The following ARHGEF7 variants were observed in gnomAD, a reference collection of about 807,000 sequenced individuals.
The protein encoded by ARHGEF7 is Rho guanine nucleotide exchange factor 7.
ARHGEF7 carries 33 observed loss-of-function variants against 109.8 expected under a neutral mutation model. That is an observed-to-expected ratio of 0.30 (90% CI 0.23 to 0.40). The LOEUF (loss-of-function observed/expected upper bound fraction) is 0.40, where lower values mean the gene tolerates loss of function less well. Ranked by LOEUF, ARHGEF7 falls within the 10% of genes least tolerant of loss-of-function variation. The pLI, the probability that ARHGEF7 is intolerant of heterozygous loss-of-function variation, is 1.00. For missense variants in ARHGEF7, 938 were observed against 1,098.5 expected, an observed-to-expected ratio of 0.85 and a Z score of 2.07; for synonymous variants, 458 against 424.6, an observed-to-expected ratio of 1.08 and a Z score of -0.97.
rs576549736 is a variant in ARHGEF7 at position 111,280,701 on chromosome 13, C to T, written c.1725+24C>T. 47 of 1,497,148 alleles carry T rather than the reference C, an allele frequency of 3.1e-5. No individual in the cohort carries two copies. In the East Asian group the frequency reaches 1.2e-3, roughly 37 times the overall value. The allele number at this position is 1,497,148 out of a possible 1,614,324, so 92.7% of individuals were successfully genotyped here. A position where few individuals can be genotyped will look rare whatever the true frequency, so the allele number is the denominator to read the frequency against. Reference sequence around the variant, plus strand: ...CCGTAAGGACTTGGTGCTTCTCCTCCTTCCAGACTCCAGGCGTGGCATCCC... The same window carrying T: ...CCGTAAGGACTTGGTGCTTCTCCTCTTTCCAGACTCCAGGCGTGGCATCCC... On this transcript the variant is annotated intron_variant, in intron 15 of 21. Coordinates refer to ENST00000646102, the MANE Select transcript of ARHGEF7 (RefSeq NM_001354046.2).
intron 1 of ARHGEF7, 151 bp downstream of exon 1, chr13:111,115,842 T>G (rs866362760): frequency 4.7e-6 from 1 of 212,138 alleles, no homozygotes; most frequent in Non-Finnish European, 7.2e-6. Flanking sequence ...GCCAGGACCG[T>G]GGCGGGAGCT....
chr13:111,133,369 C>T (rs957879536), intron 1 of ARHGEF7, among the ~76,000 whole-genome samples: 6 of 152,112 alleles, frequency 3.9e-5, no homozygotes, highest in African/African-American at 9.7e-5. Flanking sequence ...TACTTGAACA[C>T]GTGCATATCT....
At position 111,303,770 on chromosome 13, in the gene ARHGEF7, A is replaced by G. The variant is rs76328798; in HGVS notation, c.*657A>G. 2,571 of 152,422 alleles carry G rather than the reference A, an allele frequency of 0.017. 35 individuals carry two copies. The highest frequency in any genetic ancestry group is 0.034 in the Middle Eastern group (10 of 296). 9.4% of individuals were successfully genotyped at this position (152,422 alleles called of 1,614,324 possible). On this transcript the variant is annotated 3_prime_UTR_variant, in exon 22 of 22. Coordinates refer to ENST00000646102, the MANE Select transcript of ARHGEF7 (RefSeq NM_001354046.2). Reference sequence around the variant, plus strand: ...TTCTGAGGGCAACTTGCTGGCTGACAGACTCAGTCTTGACCTCAAGGAAGG... The same window carrying G: ...TTCTGAGGGCAACTTGCTGGCTGACGGACTCAGTCTTGACCTCAAGGAAGG...
intron 2 of ARHGEF7, among the ~76,000 whole-genome samples, chr13:111,176,133 GTAGTCTGTCACCAGCACCATGCT>G (rs1430708083): frequency 6.6e-6 from 1 of 152,148 alleles, no homozygotes; most frequent in Non-Finnish European, 1.5e-5. Context: ...AGCCACACAG[GTAGTCTGTCACCAGCACCATGCT>G]CTGCCTAGGA....
chr13:111,292,987 G>C, intron 19 of ARHGEF7: 1 of 985,494 alleles, frequency 1.0e-6, no homozygotes, highest in South Asian at 4.7e-5. Flanking sequence ...GCCGTGAAGT[G>C]GGAGCTCTCC....
chr13:111,151,899 A>C (rs2075905824), intron 1 of ARHGEF7, among the ~76,000 whole-genome samples: 2 of 152,200 alleles, frequency 1.3e-5, no homozygotes, highest in African/African-American at 4.8e-5. Context: ...AAGGCAGAGC[A>C]TGGCCTTATT....
intron 1 of ARHGEF7, among the ~76,000 whole-genome samples, chr13:111,130,580 A>T (rs2074691251): frequency 1.3e-5 from 2 of 152,344 alleles, no homozygotes; most frequent in South Asian, 4.1e-4. Context: ...TTTTCTCATC[A>T]AATCTTTACT....
intron 17 of ARHGEF7, among the ~76,000 whole-genome samples, chr13:111,287,210 G>A (rs1258802529): frequency 2.6e-5 from 4 of 152,174 alleles, no homozygotes; most frequent in African/African-American, 4.8e-5. Flanking sequence ...TCCTTAGGTA[G>A]TCCAGGTCCC....
intron 8 of ARHGEF7, among the ~76,000 whole-genome samples, chr13:111,260,061 C>T (rs1344747570): frequency 1.3e-5 from 2 of 152,060 alleles, no homozygotes; most frequent in African/African-American, 4.8e-5. Flanking sequence ...TAAAAATACA[C>T]AGAAGAGACT....
chr13:111,265,082 C>T (rs1336746001), intron 8 of ARHGEF7, among the ~76,000 whole-genome samples: 1 of 141,078 alleles, frequency 7.1e-6, no homozygotes, highest in Non-Finnish European at 1.5e-5. Context: ...TGAGATGGTG[C>T]CATTACACTC....
intron 9 of ARHGEF7, among the ~76,000 whole-genome samples, chr13:111,269,593 C>T (rs1222830649): frequency 6.6e-6 from 1 of 152,146 alleles, no homozygotes; most frequent in Non-Finnish European, 1.5e-5. Flanking sequence ...CCAGGGCTGC[C>T]CAGAGAGTGG....
chr13:111,129,840 C>T (rs1000428936), intron 1 of ARHGEF7, among the ~76,000 whole-genome samples: 3 of 152,246 alleles, frequency 2.0e-5, no homozygotes, highest in African/African-American at 7.2e-5. Context: ...AGTAAACATA[C>T]ATCTACCAAA....
At chr13:111,231,254 A>G (rs1204519374) in intron 5 of ARHGEF7, among the ~76,000 whole-genome samples, 1 of 152,226 alleles carries the variant, frequency 6.6e-6, no homozygotes, top group Non-Finnish European at 1.5e-5. Context: ...TTCTTCTACA[A>G]TTAAATTCTT....
At position 111,172,461 on chromosome 13, in the gene ARHGEF7, C is replaced by T. The variant is rs144112166; in HGVS notation, c.252+18470C>T. Among the ~76,000 whole-genome samples the T allele has an allele frequency of 1.1e-3, 165 of 152,210 alleles. 3 individuals carry two copies. Among genetic ancestry groups the T allele is most frequent in the Middle Eastern group, 0.01 (3 of 294 alleles). On this transcript the variant is annotated intron_variant, in intron 2 of 21. Coordinates refer to ENST00000646102, the MANE Select transcript of ARHGEF7 (RefSeq NM_001354046.2). ...CCAGTTCCAAGTCACGTGGTGGTGC[C>T]GCTCTCTAAGGCTGCAGGTAAGTTG...
At chr13:111,262,923 C>T (rs576503132) in intron 8 of ARHGEF7, among the ~76,000 whole-genome samples, 1 of 152,348 alleles carries the variant, frequency 6.6e-6, no homozygotes, top group South Asian at 2.1e-4. Flanking sequence ...TGCTGCCTCT[C>T]ATGACTCATG....
chr13:111,249,153 C>CA (rs1230124538), intron 8 of ARHGEF7, among the ~76,000 whole-genome samples: 1 of 152,140 alleles, frequency 6.6e-6, no homozygotes, highest in African/African-American at 2.4e-5. Flanking sequence ...CCCAGCAACT[C>CA]TGGTAGAACC....
intron 2 of ARHGEF7, among the ~76,000 whole-genome samples, chr13:111,170,613 G>A (rs1318792303): frequency 1.3e-5 from 2 of 152,154 alleles, no homozygotes; most frequent in Admixed American, 1.3e-4. Flanking sequence ...CTAAGTGGCC[G>A]GGGAAAGTGC....
intron 18 of ARHGEF7, among the ~76,000 whole-genome samples, chr13:111,289,144 A>G (rs1025399583): frequency 4.0e-5 from 6 of 151,688 alleles, no homozygotes; most frequent in African/African-American, 9.7e-5. Context: ...TGATTCTTCT[A>G]TCTCAGCCTC....
intron 1 of ARHGEF7, among the ~76,000 whole-genome samples, chr13:111,117,921 A>G (rs998263246): frequency 6.6e-6 from 1 of 152,280 alleles, no homozygotes; most frequent in African/African-American, 2.4e-5. Context: ...CAAAGCACAC[A>G]TGCTGAATAA....
Sources: gnomAD v4.1 joint callset for allele counts (sites outside exome capture counted in the v4.1 genomes callset) on GRCh38, gnomAD v4.1.1 for gene constraint, MANE v1.5 for transcripts, NCBI Gene and HGNC (gene_info 2026-07-23, HGNC 2026-07-21) for gene names.